Variants in DCLK1 observed in about 807,000 individuals in gnomAD.
DCLK1 encodes serine/threonine-protein kinase DCLK1.
A neutral mutation model predicts 86.2 loss-of-function variants in DCLK1; 16 were observed. That is an observed-to-expected ratio of 0.19 (90% confidence interval 0.13 to 0.28). The LOEUF is 0.28. Among genes scored for constraint, DCLK1 ranks in the 10% least tolerant of loss-of-function variants. The probability of loss-of-function intolerance (pLI) is 1.00; values close to 1 mark genes in which losing one functional copy is unlikely to be tolerated. For synonymous variants in DCLK1, 369 were observed against 370.5 expected, an observed-to-expected ratio of 1.00 and a Z score of 0.05; for missense variants, 590 against 940.2, an observed-to-expected ratio of 0.63 and a Z score of 4.87.
rs566660841 is a variant in DCLK1 at position 35,869,264 on chromosome 13, T to G, written c.940+1960A>C. 3.2e-3 allele frequency: 1,193 copies of G among 373,360 alleles called. 7 individuals are homozygous for G. The highest frequency in any genetic ancestry group is 4.2e-3 in the Non-Finnish European group (771 of 183,480). 23.1% of individuals were successfully genotyped at this position (373,360 alleles called of 1,614,324 possible). On this transcript the variant is annotated intron_variant, in intron 5 of 16. Coordinates refer to ENST00000360631, the MANE Select transcript of DCLK1 (RefSeq NM_001330071.2). Reference sequence around the variant, plus strand: ...CATTCTGTGGAGGTCCTCTTCTCTGTGTGTGGGTGGTATCTCCCTTGAAGG... The same window carrying G: ...CATTCTGTGGAGGTCCTCTTCTCTGGGTGTGGGTGGTATCTCCCTTGAAGG...
At chr13:35,839,275 C>G in intron 6 of DCLK1, 99 bp from the exon 7 acceptor site, 1 of 1,041,732 alleles carries the variant, frequency 9.6e-7, no homozygotes, top group Non-Finnish European at 1.4e-6. Context: ...AAACTTTGCC[C>G]ATGCTAGGGA....
chr13:35,873,248 AG>A (rs1346179206), intron 4 of DCLK1, among the ~76,000 whole-genome samples: 1 of 151,984 alleles, frequency 6.6e-6, no homozygotes, highest in Non-Finnish European at 1.5e-5. Flanking sequence ...CAGTGAGCCA[AG>A]ATCCCAAAAA....
chr13:35,774,592 C>A lies in DCLK1; in HGVS notation c.2166G>T (p.Ser722=), dbSNP rs1372942208. 7 of 1,579,454 alleles carry A rather than the reference C, an allele frequency of 4.4e-6. No individual in the cohort carries two copies. The highest frequency in any genetic ancestry group is 5.2e-6 in the Non-Finnish European group (6 of 1,161,012). ...CGGAGGAGCTTGGGGAGTAGTCTTC[C>A]GATTCCGAGTTGAGTTCGGGAGGAG... ...QPAPPELNSE[S]EDYSPSSSET... is the part of the protein sequence containing the mutation. The change falls in exon 17 of 17, where the codon TCG becomes TCT. Residue 722 remains serine (S), a synonymous_variant. Coordinates refer to ENST00000360631, the MANE Select transcript of DCLK1 (RefSeq NM_001330071.2).
At chr13:35,821,048 G>A (rs928103064) in intron 11 of DCLK1, among the ~76,000 whole-genome samples, 2 of 152,220 alleles carry the variant, frequency 1.3e-5, no homozygotes, top group Non-Finnish European at 2.9e-5. Flanking sequence ...AGAGCTTACT[G>A]TAGTGTAGTA....
chr13:36,130,993 G>A (rs985600747), intron 1 of DCLK1, 121 bp downstream of exon 1: 2 of 151,180 alleles, frequency 1.3e-5, no homozygotes, highest in African/African-American at 4.8e-5. Context: ...CGGGGCGGCG[G>A]GGCCAAGCTG....
At chr13:35,910,009 G>A (rs543272648) in intron 4 of DCLK1, among the ~76,000 whole-genome samples, 1 of 152,136 alleles carries the variant, frequency 6.6e-6, no homozygotes, top group East Asian at 1.9e-4. Context: ...GCATCCATCC[G>A]CTTTGCTTCT....
chr13:35,830,350 C>G (rs1868855264), intron 8 of DCLK1, among the ~76,000 whole-genome samples: 1 of 152,138 alleles, frequency 6.6e-6, no homozygotes, highest in Non-Finnish European at 1.5e-5. Flanking sequence ...GAGATCATGC[C>G]ACTGCACTCC....
At chr13:35,979,973 T>C (rs565057236) in intron 3 of DCLK1, among the ~76,000 whole-genome samples, 2 of 152,200 alleles carry the variant, frequency 1.3e-5, no homozygotes, top group Non-Finnish European at 1.5e-5. Flanking sequence ...TTGGGACCAA[T>C]AGGAGATACA....
rs182779801 is a variant in DCLK1 at position 36,044,448 on chromosome 13, T to C, written c.723+67421A>G. 2.0e-5 allele frequency among the ~76,000 whole-genome samples: 3 copies of C among 152,274 alleles called. No homozygotes were observed. The East Asian group carries it at 5.8e-4, about 29-fold the overall frequency. The stretch of plus-strand genomic sequence containing the variant: ...AAAGCATTCAACCCTACCTAATGCA[T>C]AGGGGAATGTAGGCTTCCAAAAGAA... On this transcript the variant is annotated intron_variant, in intron 3 of 16. Coordinates refer to ENST00000360631, the MANE Select transcript of DCLK1 (RefSeq NM_001330071.2).
intron 15 of DCLK1, among the ~76,000 whole-genome samples, chr13:35,804,378 C>A (rs1157651143): frequency 6.6e-6 from 1 of 151,742 alleles, no homozygotes; most frequent in Non-Finnish European, 1.5e-5. Flanking sequence ...AAGTAATCTG[C>A]CCACCTTGGG....
chr13:35,873,233 G>A (rs973457590), intron 4 of DCLK1, among the ~76,000 whole-genome samples: 1 of 151,698 alleles, frequency 6.6e-6, no homozygotes, highest in African/African-American at 2.4e-5. Flanking sequence ...GGAAGGCAGA[G>A]GCTGCAGTGA....
At chr13:36,017,441 A>C (rs1384050478) in intron 3 of DCLK1, among the ~76,000 whole-genome samples, 1 of 152,212 alleles carries the variant, frequency 6.6e-6, no homozygotes, top group African/African-American at 2.4e-5. Flanking sequence ...ATAGTTTGAT[A>C]CCCAACATTC....
In DCLK1 at chr13:36,050,398, T is replaced by C. The variant is rs9593722; in HGVS notation, c.723+61471A>G. Among the ~76,000 whole-genome samples, 398 of 152,274 alleles carry C rather than the reference T, an allele frequency of 2.6e-3. 1 individual carries two copies. Among genetic ancestry groups the C allele is most frequent in the African/African-American group, 9.0e-3 (374 of 41,564 alleles). ...AGTGTACTACTCTAGTGTGTGCTGA[T>C]GGATGTTAAATTCTTGGTGGACTTG... On this transcript the variant is annotated intron_variant, in intron 3 of 16. Transcript: ENST00000360631.
At chr13:35,976,930 C>T (rs1879375920) in intron 3 of DCLK1, among the ~76,000 whole-genome samples, 1 of 152,126 alleles carries the variant, frequency 6.6e-6, no homozygotes, top group African/African-American at 2.4e-5. Flanking sequence ...TAACAATCAT[C>T]AGCACAGTGT....
At chr13:35,947,754 G>A (rs1031599083) in intron 3 of DCLK1, among the ~76,000 whole-genome samples, 2 of 152,150 alleles carry the variant, frequency 1.3e-5, no homozygotes. Context: ...AATAGAGGAG[G>A]TGCAGTGCCC....
At chr13:36,068,502 C>T (rs1054463657) in intron 3 of DCLK1, among the ~76,000 whole-genome samples, 3 of 152,136 alleles carry the variant, frequency 2.0e-5, no homozygotes, top group East Asian at 3.9e-4. Context: ...AAATTAAATC[C>T]TTAGATTTAA....
At chr13:35,948,253 T>C (rs900473160) in intron 3 of DCLK1, among the ~76,000 whole-genome samples, 1 of 152,276 alleles carries the variant, frequency 6.6e-6, no homozygotes, top group Admixed American at 6.5e-5. Context: ...GTTCACATTA[T>C]GTGTAATACC....
At chr13:35,895,287 T>TAA (rs71196594) in intron 4 of DCLK1, among the ~76,000 whole-genome samples, 6,675 of 140,318 alleles carry the variant, frequency 0.048, 494 homozygotes, top group African/African-American at 0.16. Context: ...ACAGGAAAGG[T>TAA]AAAAAAAAAA....
In DCLK1 at chr13:35,810,897, G is replaced by A. The variant is rs754640844; in HGVS notation, c.1626C>T (p.Gly542=). ...GGGTGCCACAGACTGTGTACAGGGG[G>A]CCGTCTACAATGGTGGCCAGTCCAA... ...GDFGLATIVD[G]PLYTVCGTPT... The change falls in exon 12 of 17, where the codon GGC becomes GGT. Residue 542 remains glycine (G), a synonymous_variant. Coordinates refer to ENST00000360631, the MANE Select transcript of DCLK1 (RefSeq NM_001330071.2). 1 of 1,614,036 alleles carries A rather than the reference G, an allele frequency of 6.2e-7. No homozygotes were observed. Among genetic ancestry groups the A allele is most frequent in the Non-Finnish European group, 8.5e-7 (1 of 1,179,946 alleles).
Sources: gnomAD v4.1 joint callset for allele counts (sites outside exome capture counted in the v4.1 genomes callset) on GRCh38, gnomAD v4.1.1 for gene constraint, MANE v1.5 for transcripts, NCBI Gene and HGNC (gene_info 2026-07-23, HGNC 2026-07-21) for gene names.